MECOM: variants seen among roughly 807,000 people sequenced by gnomAD.
MECOM encodes the protein histone-lysine N-methyltransferase MECOM.
In MECOM, 13 loss-of-function variants were observed where a neutral mutation model predicts 116.3. The ratio of observed to expected loss-of-function variants is 0.11; its 90% CI spans 0.07 to 0.18. The LOEUF (loss-of-function observed/expected upper bound fraction) is 0.18, where lower values mean the gene tolerates loss of function less well. MECOM is among the 10% of genes least tolerant of loss of function. MECOM has a pLI of 1.00. For synonymous variants in MECOM, 528 were observed against 535.2 expected, an observed-to-expected ratio of 0.99 and a Z score of 0.19; for missense variants, 1,299 against 1,509.0, an observed-to-expected ratio of 0.86 and a Z score of 2.31.
intron 1 of MECOM, among the ~76,000 whole-genome samples, chr3:169,652,894 A>G (rs1190735579): frequency 1.3e-5 from 2 of 152,150 alleles, no homozygotes; most frequent in Non-Finnish European, 2.9e-5. Flanking sequence ...TGTAAACTGA[A>G]TATTCCCAAA....
At chr3:169,505,308 A>ATTT (rs544457605) in intron 1 of MECOM, among the ~76,000 whole-genome samples, 31,952 of 148,160 alleles carry the variant, frequency 0.22, 3,982 homozygotes, top group Non-Finnish European at 0.29. Flanking sequence ...TAGAGCAGGA[A>ATTT]TTTTTTTTTT....
chr3:169,452,370 A>G (rs1745763502), intron 1 of MECOM, among the ~76,000 whole-genome samples: 1 of 152,200 alleles, frequency 6.6e-6, no homozygotes, highest in Non-Finnish European at 1.5e-5. Flanking sequence ...CATATGGGAA[A>G]TCCATTGGTA....
At chr3:169,360,143 C>A (rs1727960439) in intron 2 of MECOM, among the ~76,000 whole-genome samples, 1 of 151,472 alleles carries the variant, frequency 6.6e-6, no homozygotes, top group Non-Finnish European at 1.5e-5. Context: ...TTCAAGTATA[C>A]CCCTTCTAAT....
At chr3:169,268,400 G>T (rs913399702) in intron 2 of MECOM, among the ~76,000 whole-genome samples, 1 of 152,162 alleles carries the variant, frequency 6.6e-6, no homozygotes, top group African/African-American at 2.4e-5. Context: ...CTTTTCTCAA[G>T]TGGGTATGCA....
At chr3:169,147,727 T>TGC (rs1189031110) in intron 2 of MECOM, 2 of 979,424 alleles carry the variant, frequency 2.0e-6, no homozygotes, top group African/African-American at 3.7e-5. Flanking sequence ...TGTGTGTGTG[T>TGC]GTGTGTGCGC....
chr3:169,663,618 C>G lies in MECOM; in HGVS notation c.-246G>C. On this transcript the variant is annotated 5_prime_UTR_variant, in exon 1 of 17. Coordinates refer to ENST00000651503, the MANE Select transcript of MECOM (RefSeq NM_004991.4). ...TCTTTCACTCTCTCTCCCTCCCTCT[C>G]TCCCTTTCTCTCAATCCACACTCGC... The G allele has an allele frequency of 1.7e-6, 1 of 573,704 alleles. No individual in the cohort carries two copies. 35.5% of individuals were successfully genotyped at this position (573,704 alleles called of 1,614,324 possible).
At chr3:169,285,942 C>G (rs1313091150) in intron 2 of MECOM, among the ~76,000 whole-genome samples, 2 of 152,158 alleles carry the variant, frequency 1.3e-5, no homozygotes, top group African/African-American at 4.8e-5. Context: ...TGTGAATGTA[C>G]TTTTGTGTGT....
At position 169,353,194 on chromosome 3, in the gene MECOM, C is replaced by T. The variant is rs148198047; in HGVS notation, c.375+27993G>A. 4.6e-3 allele frequency among the ~76,000 whole-genome samples: 704 copies of T among 151,980 alleles called. 3 individuals carry two copies. The highest frequency in any genetic ancestry group is 0.016 in the South Asian group (75 of 4,824). Reference sequence around the variant, plus strand: ...AAGAGATAGCTAATGCTAAAATTGCCTCCAACTCAGTTATCTGGAAAGAAA... The same window carrying T: ...AAGAGATAGCTAATGCTAAAATTGCTTCCAACTCAGTTATCTGGAAAGAAA... On this transcript the variant is annotated intron_variant, in intron 2 of 16. Transcript: ENST00000651503.
At chr3:169,191,737 A>AGG (rs777449890) in intron 2 of MECOM, among the ~76,000 whole-genome samples, 6 of 32,864 alleles carry the variant, frequency 1.8e-4, no homozygotes, top group Admixed American at 3.9e-4. Context: ...AGAAAGAAAG[A>AGG]AAGAGAAAGA....
rs1365271184 is a variant in MECOM at position 169,084,182 on chromosome 3, T to G, written c.*727A>C. 8.6e-6 allele frequency: 2 copies of G among 231,944 alleles called. No individual in the cohort carries two copies. The highest frequency in any genetic ancestry group is 4.4e-5 in the African/African-American group (2 of 45,280). The allele number at this position is 231,944 out of a possible 1,614,324, so 14.4% of individuals were successfully genotyped here. On this transcript the variant is annotated 3_prime_UTR_variant, in exon 17 of 17. Coordinates refer to ENST00000651503, the MANE Select transcript of MECOM (RefSeq NM_004991.4). Reference sequence around the variant, plus strand: ...AAACAGTGACATGATTGTCTAAAATTAAGATGTTATTACAAGGATTTGGCA... The same window carrying G: ...AAACAGTGACATGATTGTCTAAAATGAAGATGTTATTACAAGGATTTGGCA...
intron 2 of MECOM, among the ~76,000 whole-genome samples, chr3:169,284,049 C>T (rs147618217): frequency 1.5e-3 from 225 of 152,268 alleles, no homozygotes; most frequent in African/African-American, 4.9e-3. Context: ...GTGTCCCATT[C>T]GAAATAGTTC....
intron 12 of MECOM, among the ~76,000 whole-genome samples, chr3:169,097,885 C>T (rs1204308972): frequency 1.4e-5 from 2 of 140,548 alleles, no homozygotes; most frequent in African/African-American, 2.6e-5. Flanking sequence ...TGGTATTTAT[C>T]TTTCTGAAGA....
intron 2 of MECOM, among the ~76,000 whole-genome samples, chr3:169,325,335 T>C (rs961038748): frequency 2.6e-5 from 4 of 152,210 alleles, no homozygotes; most frequent in Non-Finnish European, 4.4e-5. Context: ...CAAGTGTTTC[T>C]ATCTGTAAGA....
intron 8 of MECOM, among the ~76,000 whole-genome samples, chr3:169,114,316 ACTT>A (rs1252117433): frequency 1.3e-5 from 2 of 152,150 alleles, no homozygotes; most frequent in Non-Finnish European, 2.9e-5. Flanking sequence ...CTTTGATACT[ACTT>A]TATCATATTC....
chr3:169,260,443 G>A (rs1196042956), intron 2 of MECOM, among the ~76,000 whole-genome samples: 1 of 150,332 alleles, frequency 6.7e-6, no homozygotes, highest in East Asian at 2.0e-4. Flanking sequence ...AGGAGCATAT[G>A]TTGGCAAGCA....
chr3:169,259,460 G>A (rs1034666435), intron 2 of MECOM, among the ~76,000 whole-genome samples: 4 of 152,120 alleles, frequency 2.6e-5, no homozygotes, highest in African/African-American at 9.7e-5. Flanking sequence ...AGGCACAGTG[G>A]CTCACACCTG....
intron 2 of MECOM, among the ~76,000 whole-genome samples, chr3:169,339,256 G>A (rs1353783221): frequency 6.6e-6 from 1 of 152,124 alleles, no homozygotes; most frequent in Non-Finnish European, 1.5e-5. Flanking sequence ...TCCACACCAG[G>A]GGTTTTCAAA....
intron 1 of MECOM, among the ~76,000 whole-genome samples, chr3:169,634,155 G>C (rs1772440330): frequency 6.6e-6 from 1 of 151,928 alleles, no homozygotes; most frequent in Non-Finnish European, 1.5e-5. Flanking sequence ...ACTAACTTTA[G>C]GTCTTTTCAA....
At chr3:169,662,522 T>TC (rs1776425241) in intron 1 of MECOM, among the ~76,000 whole-genome samples, 1 of 151,822 alleles carries the variant, frequency 6.6e-6, no homozygotes, top group Non-Finnish European at 1.5e-5. Flanking sequence ...GCCTCTTTCC[T>TC]CCCCACCTGC....
Sources: allele counts gnomAD v4.1 joint callset (sites outside exome capture counted in the v4.1 genomes callset), GRCh38; gene constraint gnomAD v4.1.1; transcripts MANE v1.5; gene names NCBI Gene and HGNC (gene_info 2026-07-23, HGNC 2026-07-21).